DPP6: variants seen among roughly 807,000 people sequenced by gnomAD.
DPP6 encodes the protein dipeptidyl peptidase like 6.
Under a neutral mutation model 122.6 loss-of-function variants are expected in DPP6, and 69 were observed. That is an observed-to-expected ratio of 0.56 (90% CI 0.46 to 0.69). The LOEUF (loss-of-function observed/expected upper bound fraction) is 0.69. DPP6 is among the 30% of genes least tolerant of loss of function. The probability of loss-of-function intolerance (pLI) is 0.00; values close to 1 mark genes in which losing one functional copy is unlikely to be tolerated. For synonymous variants in DPP6, 418 were observed against 433.1 expected, an observed-to-expected ratio of 0.97 and a Z score of 0.43; for missense variants, 928 against 1,116.9, an observed-to-expected ratio of 0.83 and a Z score of 2.41.
At chr7:153,859,476 A>G in the DPP6 span, among the ~76,000 whole-genome samples, 2 of 152,174 alleles carry the variant, frequency 1.3e-5, no homozygotes, top group African/African-American at 4.8e-5. Context: ...AAAAAACTTG[A>G]GTGAGACATG....
intron 1 of DPP6, among the ~76,000 whole-genome samples, chr7:154,083,585 A>C (rs1379712566): frequency 2.0e-5 from 3 of 150,794 alleles, no homozygotes; most frequent in African/African-American, 7.4e-5. Flanking sequence ...TCTCTTCAGC[A>C]TGACTGAGGT....
At chr7:153,825,607 TG>T in the DPP6 span, among the ~76,000 whole-genome samples, 1 of 152,194 alleles carries the variant, frequency 6.6e-6, no homozygotes, top group Non-Finnish European at 1.5e-5. Flanking sequence ...TTGCTCAAGC[TG>T]AAGTGCAGAG....
intron 10 of DPP6, among the ~76,000 whole-genome samples, chr7:154,777,634 G>T (rs1488994928): frequency 4.6e-5 from 7 of 152,122 alleles, no homozygotes; most frequent in South Asian, 2.1e-4. Flanking sequence ...GAGTTAAGAT[G>T]CGGCAGATAG....
chr7:153,915,664 G>A (rs1358282054), intron 1 of DPP6, among the ~76,000 whole-genome samples: 18 of 152,164 alleles, frequency 1.2e-4, no homozygotes. Context: ...ACCACTGGGG[G>A]CAGAGATGCT....
chr7:154,619,483 C>T (rs1834495634), intron 5 of DPP6, among the ~76,000 whole-genome samples: 2 of 152,190 alleles, frequency 1.3e-5, no homozygotes, highest in Admixed American at 1.3e-4. Flanking sequence ...GCTTCACCTG[C>T]CACCAGTGAT....
chr7:154,502,189 C>T (rs185761697), intron 3 of DPP6, among the ~76,000 whole-genome samples: 23 of 152,216 alleles, frequency 1.5e-4, no homozygotes, highest in East Asian at 3.9e-4. Context: ...TGATTTTACA[C>T]GCTAATAGAC....
chr7:154,658,434 C>CA (rs1837408759), intron 6 of DPP6, among the ~76,000 whole-genome samples: 1 of 152,024 alleles, frequency 6.6e-6, no homozygotes, highest in Non-Finnish European at 1.5e-5. Context: ...TAGGATGGAA[C>CA]AAAAAAGGAG....
chr7:154,372,858 T>A (rs527862836), intron 1 of DPP6, among the ~76,000 whole-genome samples: 47 of 152,300 alleles, frequency 3.1e-4, no homozygotes, highest in Non-Finnish European at 5.3e-4. Context: ...GCATGACACA[T>A]AGGTGTGCTT....
At chr7:154,804,517 T>A (rs1239403773) in intron 14 of DPP6, among the ~76,000 whole-genome samples, 1 of 152,162 alleles carries the variant, frequency 6.6e-6, no homozygotes, top group African/African-American at 2.4e-5. Context: ...TAGGTGAAAA[T>A]GAGTCAACAA....
At chr7:154,559,361 C>G (rs75108799) in intron 4 of DPP6, among the ~76,000 whole-genome samples, 1,566 of 138,208 alleles carry the variant, frequency 0.011, 14 homozygotes, top group Non-Finnish European at 0.016. Context: ...AAAAAAAAAG[C>G]CTGAACAGCA....
intron 1 of DPP6, among the ~76,000 whole-genome samples, chr7:154,278,931 A>C (rs897240533): frequency 6.7e-6 from 1 of 150,358 alleles, no homozygotes; most frequent in Admixed American, 6.6e-5. Context: ...ATGTGTATGT[A>C]TGTGTGTTTG....
intron 6 of DPP6, among the ~76,000 whole-genome samples, chr7:154,661,695 C>A (rs1318293495): frequency 6.9e-6 from 1 of 144,464 alleles, no homozygotes; most frequent in East Asian, 2.0e-4. Flanking sequence ...TTCATATAGT[C>A]ATGGTGAATC....
At chr7:154,501,185 G>T (rs1019177374) in intron 3 of DPP6, among the ~76,000 whole-genome samples, 3 of 152,082 alleles carry the variant, frequency 2.0e-5, no homozygotes, top group Non-Finnish European at 2.9e-5. Context: ...GCTATTAAAG[G>T]CATTCAGTTT....
chr7:153,982,148 G>A (rs962138723), intron 1 of DPP6, among the ~76,000 whole-genome samples: 6 of 151,862 alleles, frequency 4.0e-5, no homozygotes, highest in Non-Finnish European at 5.9e-5. Flanking sequence ...TTTCCAACTT[G>A]GTTCCATTCT....
At chr7:154,745,245 G>A (rs761046754) in intron 8 of DPP6, among the ~76,000 whole-genome samples, 11 of 152,178 alleles carry the variant, frequency 7.2e-5, no homozygotes, top group Non-Finnish European at 1.2e-4. Context: ...CTCCATAGTG[G>A]AGTGGGCTCA....
intron 1 of DPP6, among the ~76,000 whole-genome samples, chr7:154,189,994 C>T (rs915025530): frequency 3.9e-5 from 6 of 152,132 alleles, no homozygotes; most frequent in Non-Finnish European, 7.4e-5. Context: ...TTCTTTTTAA[C>T]CAACAGTCAA....
chr7:154,451,040 C>T (rs904710998), intron 2 of DPP6, among the ~76,000 whole-genome samples: 1 of 152,016 alleles, frequency 6.6e-6, no homozygotes, highest in Non-Finnish European at 1.5e-5. Flanking sequence ...CATGTCACCC[C>T]GGTCCAAGGG....
At chr7:154,195,025 G>C (rs1021063150) in intron 1 of DPP6, among the ~76,000 whole-genome samples, 1 of 152,132 alleles carries the variant, frequency 6.6e-6, no homozygotes, top group South Asian at 2.1e-4. Context: ...TTCTCTTATA[G>C]ATTATGCTTT....
chr7:154,532,117 G>T (rs903123938), intron 3 of DPP6, among the ~76,000 whole-genome samples: 8 of 151,892 alleles, frequency 5.3e-5, no homozygotes, highest in African/African-American at 1.9e-4. Context: ...TAAAAATGAC[G>T]TTTCAAAAGA....
Sources: allele counts gnomAD v4.1 joint callset (sites outside exome capture counted in the v4.1 genomes callset), GRCh38; gene constraint gnomAD v4.1.1; transcripts MANE v1.5; gene names NCBI Gene and HGNC (gene_info 2026-07-23, HGNC 2026-07-21).